Variants in CWC27 observed in about 807,000 individuals in gnomAD.
CWC27 encodes the protein CWC27 spliceosome associated cyclophilin, also known as spliceosome-associated protein CWC27 homolog.
CWC27 carries 47 observed loss-of-function variants against 63.6 expected under a neutral mutation model. The ratio of observed to expected loss-of-function variants is 0.74; its 90% CI spans 0.58 to 0.94. The LOEUF is 0.94. Among genes scored for constraint, CWC27 ranks in the 40% least tolerant of loss-of-function variants. The pLI, the probability that CWC27 is intolerant of heterozygous loss-of-function variation, is 0.00. For missense variants in CWC27, 495 were observed against 554.3 expected (o/e 0.89, Z 1.07); for synonymous variants, 175 against 179.8 (o/e 0.97, Z 0.22).
chr5:64,924,589 A>G (rs1411201482), intron 11 of CWC27, among the ~76,000 whole-genome samples: 1 of 152,074 alleles, frequency 6.6e-6, no homozygotes, highest in Non-Finnish European at 1.5e-5. Context: ...CCTGGTGTCA[A>G]ATTATCACCC....
chr5:64,864,008 G>A (rs569847318), intron 10 of CWC27, among the ~76,000 whole-genome samples: 170 of 152,194 alleles, frequency 1.1e-3, no homozygotes, highest in African/African-American at 4.0e-3. Flanking sequence ...ATAAAGAAAA[G>A]CTTTCACTCA....
intron 8 of CWC27, 106 bp from the exon 9 acceptor site, chr5:64,801,196 T>C (rs1486468179): frequency 9.7e-7 from 1 of 1,025,998 alleles, no homozygotes; most frequent in Non-Finnish European, 1.4e-6. Context: ...TGAAATACAT[T>C]TTTGGAATGT....
At chr5:64,986,087 C>T (rs1216091385) in intron 13 of CWC27, among the ~76,000 whole-genome samples, 1 of 152,122 alleles carries the variant, frequency 6.6e-6, no homozygotes, top group Non-Finnish European at 1.5e-5. Flanking sequence ...GCATTTCTCT[C>T]TCCTGCCACC....
At chr5:65,002,453 C>A (rs1304479103) in intron 13 of CWC27, among the ~76,000 whole-genome samples, 1 of 152,070 alleles carries the variant, frequency 6.6e-6, no homozygotes, top group Non-Finnish European at 1.5e-5. Flanking sequence ...CCTAGCACTG[C>A]TTTTCCTGTA....
intron 10 of CWC27, among the ~76,000 whole-genome samples, chr5:64,825,116 G>A (rs773852413): frequency 2.0e-5 from 3 of 152,164 alleles, no homozygotes; most frequent in Non-Finnish European, 4.4e-5. Context: ...AAATGAGCAA[G>A]TAGGTATAAT....
At chr5:64,800,380 T>C (rs1039631254) in intron 8 of CWC27, 53 bp downstream of exon 8, 53 of 1,361,238 alleles carry the variant, frequency 3.9e-5, no homozygotes, top group Admixed American at 3.0e-4. Context: ...GCTCAGATAA[T>C]TTTCTTGCTT....
intron 8 of CWC27, 124 bp downstream of exon 8, chr5:64,800,451 A>C: frequency 1.7e-6 from 1 of 571,744 alleles, no homozygotes; most frequent in Non-Finnish European, 3.0e-6. Flanking sequence ...CCAAAAAAAT[A>C]AAGCATTTTG....
intron 11 of CWC27, among the ~76,000 whole-genome samples, chr5:64,920,577 A>G (rs1027213081): frequency 6.6e-6 from 1 of 152,192 alleles, no homozygotes; most frequent in Admixed American, 6.5e-5. Context: ...CTGTGAATCC[A>G]TCTAGACCAG....
At chr5:64,909,017 G>T (rs538231329) in intron 11 of CWC27, among the ~76,000 whole-genome samples, 1 of 152,234 alleles carries the variant, frequency 6.6e-6, no homozygotes, top group Non-Finnish European at 1.5e-5. Context: ...TGCAGTGGCT[G>T]GTACCGGTTG....
intron 10 of CWC27, among the ~76,000 whole-genome samples, chr5:64,833,303 G>C (rs1745577608): frequency 1.3e-5 from 2 of 151,736 alleles, no homozygotes; most frequent in African/African-American, 4.8e-5. Context: ...TAGTTCTAAA[G>C]ATCCTCAGAT....
At position 64,925,727 on chromosome 5, in the gene CWC27, T is replaced by A. The variant is rs140144259; in HGVS notation, c.1042+40181T>A. Among the ~76,000 whole-genome samples, 7 of 152,340 alleles carry A rather than the reference T, an allele frequency of 4.6e-5. No homozygotes were observed. The East Asian group carries it at 1.3e-3, about 29-fold the overall frequency. ...AGGATTAAATCAGTTTTTACATGTA[T>A]ACAAAGTCCTCAAGTTCTGCAGTAA... is the stretch of plus-strand genomic sequence containing the variant. On this transcript the variant is annotated intron_variant, in intron 11 of 13. Transcript: ENST00000381070.
At chr5:64,786,893 G>T (rs1225613990) in intron 6 of CWC27, among the ~76,000 whole-genome samples, 2 of 152,058 alleles carry the variant, frequency 1.3e-5, no homozygotes, top group African/African-American at 4.8e-5. Context: ...CCTGAGACAG[G>T]GTAATTCATA....
chr5:64,998,724 T>G (rs1749681670), intron 13 of CWC27, among the ~76,000 whole-genome samples: 1 of 152,128 alleles, frequency 6.6e-6, no homozygotes, highest in Non-Finnish European at 1.5e-5. Context: ...TCATCTTCGT[T>G]TTCTTTTTTC....
intron 11 of CWC27, among the ~76,000 whole-genome samples, chr5:64,904,394 A>G (rs1747574854): frequency 6.6e-6 from 1 of 152,248 alleles, no homozygotes; most frequent in Admixed American, 6.5e-5. Context: ...CAAAATGTTG[A>G]CCAAGGCTAT....
At chr5:64,955,126 G>C (rs1172227647) in intron 11 of CWC27, among the ~76,000 whole-genome samples, 1 of 152,026 alleles carries the variant, frequency 6.6e-6, no homozygotes, top group African/African-American at 2.4e-5. Context: ...TACTTAATCA[G>C]CTGAAGGCAG....
chr5:64,824,925 G>A (rs928178541), intron 10 of CWC27, among the ~76,000 whole-genome samples: 2 of 151,330 alleles, frequency 1.3e-5, no homozygotes, highest in Non-Finnish European at 3.0e-5. Flanking sequence ...GTAGAGGCGG[G>A]GTTTTACCCG....
intron 11 of CWC27, 152 bp downstream of exon 11, chr5:64,885,698 G>GTGT: frequency 1.5e-5 from 4 of 259,610 alleles, no homozygotes; most frequent in Non-Finnish European, 2.1e-5. Flanking sequence ...CTTGAGTTAG[G>GTGT]GTGTGTGTGT....
At chr5:64,987,310 T>A (rs1027813693) in intron 13 of CWC27, among the ~76,000 whole-genome samples, 4 of 152,206 alleles carry the variant, frequency 2.6e-5, no homozygotes, top group Non-Finnish European at 5.9e-5. Context: ...TTAGAGTTAA[T>A]ATTTTATCAT....
chr5:64,817,077 T>A (rs895326534), intron 10 of CWC27, among the ~76,000 whole-genome samples: 2 of 152,070 alleles, frequency 1.3e-5, no homozygotes, highest in African/African-American at 4.8e-5. Flanking sequence ...CCTTTTACTT[T>A]CTCATATGTT....
Sources: allele counts gnomAD v4.1 joint callset (sites outside exome capture counted in the v4.1 genomes callset), GRCh38; gene constraint gnomAD v4.1.1; transcripts MANE v1.5; gene names NCBI Gene and HGNC (gene_info 2026-07-23, HGNC 2026-07-21).